SPIDR: variants seen among roughly 807,000 people sequenced by gnomAD.
The protein encoded by SPIDR is scaffold protein involved in DNA repair.
SPIDR carries 93 observed loss-of-function variants against 104.6 expected under a neutral mutation model. The ratio of observed to expected loss-of-function variants is 0.89; its 90% CI spans 0.75 to 1.06. SPIDR has a LOEUF of 1.06. SPIDR is among the 50% of genes least tolerant of loss of function. SPIDR has a pLI of 0.00. For missense variants in SPIDR, 1,154 were observed against 1,111.2 expected, an observed-to-expected ratio of 1.04 and a Z score of -0.55; for synonymous variants, 431 against 416.9, an observed-to-expected ratio of 1.03 and a Z score of -0.41.
At chr8:47,319,744 G>C (rs12682323) in intron 5 of SPIDR, among the ~76,000 whole-genome samples, 4 of 152,100 alleles carry the variant, frequency 2.6e-5, no homozygotes, top group East Asian at 3.9e-4. Flanking sequence ...ATAACAAACT[G>C]TCTCTCAGAC....
chr8:47,405,576 T>A (rs950431915), intron 6 of SPIDR, among the ~76,000 whole-genome samples: 2 of 152,178 alleles, frequency 1.3e-5, no homozygotes, highest in Non-Finnish European at 2.9e-5. Context: ...TGTTTACCAA[T>A]GTCAAATTGA....
chr8:47,262,334 A>G (rs1341422086), intron 1 of SPIDR, among the ~76,000 whole-genome samples: 4 of 151,828 alleles, frequency 2.6e-5, no homozygotes, highest in Admixed American at 2.0e-4. Flanking sequence ...TTTTTTACTC[A>G]ATTTTTTTTA....
intron 10 of SPIDR, among the ~76,000 whole-genome samples, chr8:47,621,254 C>A (rs2065129791): frequency 6.6e-6 from 1 of 152,230 alleles, no homozygotes; most frequent in African/African-American, 2.4e-5. Flanking sequence ...CACGCCCGGC[C>A]AATTCATATG....
intron 5 of SPIDR, among the ~76,000 whole-genome samples, chr8:47,332,975 C>A (rs1331247497): frequency 6.7e-6 from 1 of 149,428 alleles, no homozygotes; most frequent in African/African-American, 2.5e-5. Context: ...ATGGTAGTTT[C>A]TTTTGCTGTG....
intron 10 of SPIDR, among the ~76,000 whole-genome samples, chr8:47,630,771 C>T (rs1216063852): frequency 5.3e-5 from 8 of 152,298 alleles, no homozygotes; most frequent in Middle Eastern, 3.4e-3. Flanking sequence ...GAAAATACCA[C>T]GTGACCTATA....
chr8:47,290,538 ATAT>A (rs1464907938), intron 3 of SPIDR, among the ~76,000 whole-genome samples: 1 of 152,180 alleles, frequency 6.6e-6, no homozygotes, highest in Admixed American at 6.5e-5. Flanking sequence ...TATGAATCTA[ATAT>A]TATCTCAAAA....
chr8:47,438,346 A>G (rs1441328531), intron 7 of SPIDR, among the ~76,000 whole-genome samples: 3 of 152,178 alleles, frequency 2.0e-5, no homozygotes, highest in East Asian at 1.9e-4. Context: ...TTATGTCTCA[A>G]AATGCTCCTG....
intron 5 of SPIDR, among the ~76,000 whole-genome samples, chr8:47,294,897 TTC>T (rs2040564140): frequency 6.6e-6 from 1 of 152,232 alleles, no homozygotes. Flanking sequence ...TTAATTTTTT[TTC>T]TGACTCCCCT....
intron 10 of SPIDR, among the ~76,000 whole-genome samples, chr8:47,626,707 A>T (rs1448001816): frequency 6.6e-6 from 1 of 152,270 alleles, no homozygotes; most frequent in African/African-American, 2.4e-5. Flanking sequence ...CATGCCAGTT[A>T]GAATGGCAAT....
chr8:47,677,838 G>A (rs2076631241), intron 11 of SPIDR, among the ~76,000 whole-genome samples: 1 of 152,214 alleles, frequency 6.6e-6, no homozygotes, highest in Non-Finnish European at 1.5e-5. Context: ...CTAAATTGGT[G>A]AGATGTTATC....
At chr8:47,278,138 G>A (rs2036957419) in intron 1 of SPIDR, among the ~76,000 whole-genome samples, 1 of 144,564 alleles carries the variant, frequency 6.9e-6, no homozygotes, top group Non-Finnish European at 1.5e-5. Flanking sequence ...TGGTGGGTGT[G>A]AAGTGGCATA....
At chr8:47,436,024 AG>A (rs2068247074) in intron 7 of SPIDR, among the ~76,000 whole-genome samples, 1 of 152,144 alleles carries the variant, frequency 6.6e-6, no homozygotes, top group South Asian at 2.1e-4. Context: ...CCTATTTCGT[AG>A]GGTTGTTGTG....
At chr8:47,605,489 C>G (rs993300121) in intron 10 of SPIDR, among the ~76,000 whole-genome samples, 1 of 152,300 alleles carries the variant, frequency 6.6e-6, no homozygotes, top group South Asian at 2.1e-4. Context: ...AACAAAAGAA[C>G]TGCAATGAGG....
At chr8:47,506,986 A>G (rs1413149803) in intron 8 of SPIDR, among the ~76,000 whole-genome samples, 1 of 152,176 alleles carries the variant, frequency 6.6e-6, no homozygotes, top group Non-Finnish European at 1.5e-5. Flanking sequence ...TGAGCCCACT[A>G]AACAACCTCT....
At chr8:47,615,013 A>G (rs1264265796) in intron 10 of SPIDR, among the ~76,000 whole-genome samples, 1 of 151,896 alleles carries the variant, frequency 6.6e-6, no homozygotes, top group East Asian at 1.9e-4. Context: ...TTTTCCTCCC[A>G]TCCTGTAGGT....
intron 8 of SPIDR, among the ~76,000 whole-genome samples, chr8:47,535,026 A>G (rs1375578042): frequency 6.6e-6 from 1 of 152,200 alleles, no homozygotes; most frequent in Non-Finnish European, 1.5e-5. Context: ...CTCTCTGCCC[A>G]CAAATTCATT....
chr8:47,400,423 C>G (rs1241027169), intron 6 of SPIDR, among the ~76,000 whole-genome samples: 1 of 152,176 alleles, frequency 6.6e-6, no homozygotes, highest in East Asian at 1.9e-4. Context: ...GGTTGTTAGT[C>G]TCAGGTCTTC....
intron 5 of SPIDR, among the ~76,000 whole-genome samples, chr8:47,365,787 CTCTAT>C (rs1321107789): frequency 1.3e-5 from 2 of 151,664 alleles, no homozygotes; most frequent in Admixed American, 6.5e-5. Flanking sequence ...TTTTATTAAC[CTCTAT>C]TCTAAAGACT....
At chr8:47,319,299 TCTCTGATAAAACAGA>T in intron 5 of SPIDR, among the ~76,000 whole-genome samples, 1 of 152,258 alleles carries the variant, frequency 6.6e-6, no homozygotes. Context: ...TCAATCCTAG[TCTCTGATAAAACAGA>T]CTTTAAACCA....
Sources: allele counts gnomAD v4.1 joint callset (sites outside exome capture counted in the v4.1 genomes callset), GRCh38; gene constraint gnomAD v4.1.1; transcripts MANE v1.5; gene names NCBI Gene and HGNC (gene_info 2026-07-23, HGNC 2026-07-21).